Variants in SCAMP1 observed in about 807,000 individuals in gnomAD.
SCAMP1 encodes the protein secretory carrier membrane protein 1.
A neutral mutation model predicts 41.8 loss-of-function variants in SCAMP1; 15 were observed. The observed-to-expected ratio is 0.36, with a 90% CI of 0.24 to 0.55. SCAMP1 has a LOEUF of 0.55. Among genes scored for constraint, SCAMP1 ranks in the 20% least tolerant of loss-of-function variants. SCAMP1 has a pLI of 0.86. For synonymous variants in SCAMP1, 135 were observed against 136.8 expected (o/e 0.99, Z 0.09); for missense variants, 341 against 412.6 (o/e 0.83, Z 1.50).
intron 1 of SCAMP1, among the ~76,000 whole-genome samples, chr5:78,361,526 A>G (rs1750652462): frequency 6.6e-6 from 1 of 152,162 alleles, no homozygotes; most frequent in Admixed American, 6.5e-5. Flanking sequence ...TTCTTCTTGG[A>G]GTCGACCTTA....
chr5:78,430,108 T>TTATAAATACAG, intron 6 of SCAMP1, among the ~76,000 whole-genome samples: 1 of 43,506 alleles, frequency 2.3e-5, no homozygotes, highest in African/African-American at 7.2e-5. Flanking sequence ...AATACAGTAT[T>TTATAAATACAG]TATTTATAAA....
At chr5:78,463,841 A>G (rs1317109779) in intron 8 of SCAMP1, among the ~76,000 whole-genome samples, 4 of 149,458 alleles carry the variant, frequency 2.7e-5, no homozygotes, top group Non-Finnish European at 4.4e-5. Flanking sequence ...GGTAAAATGC[A>G]TAGTATACAG....
At chr5:78,455,261 T>G (rs1224167378) in intron 7 of SCAMP1, among the ~76,000 whole-genome samples, 1 of 149,232 alleles carries the variant, frequency 6.7e-6, no homozygotes, top group African/African-American at 2.5e-5. Flanking sequence ...TTCTAGTTCT[T>G]TTAATTGTGA....
intron 6 of SCAMP1, among the ~76,000 whole-genome samples, chr5:78,440,037 C>T (rs1476026129): frequency 1.3e-5 from 2 of 152,046 alleles, no homozygotes; most frequent in Non-Finnish European, 2.9e-5. Flanking sequence ...GTTCTCGTGC[C>T]GTGGTTTTCA....
At chr5:78,420,477 C>G (rs921129684) in intron 5 of SCAMP1, among the ~76,000 whole-genome samples, 1 of 151,716 alleles carries the variant, frequency 6.6e-6, no homozygotes, top group Admixed American at 6.6e-5. Context: ...ATTTTGAGGC[C>G]AAGGGTTTTG....
chr5:78,449,812 C>CT, intron 6 of SCAMP1, 121 bp from the exon 7 acceptor site: 1 of 584,588 alleles, frequency 1.7e-6, no homozygotes, highest in African/African-American at 1.9e-5. Context: ...TTTGTTTGTG[C>CT]TTTTAAGGTT....
chr5:78,368,854 C>T (rs1750865385), intron 1 of SCAMP1, among the ~76,000 whole-genome samples: 1 of 152,004 alleles, frequency 6.6e-6, no homozygotes, highest in Non-Finnish European at 1.5e-5. Flanking sequence ...GAAAAAGAAT[C>T]TAAGGTTAAC....
At position 78,459,362 on chromosome 5, in the gene SCAMP1, A is replaced by G; in HGVS notation, c.852A>G (p.Lys284=). 1 of 1,417,254 alleles carries G rather than the reference A, an allele frequency of 7.1e-7. No homozygotes were observed. The highest frequency in any genetic ancestry group is 1.2e-5 in the South Asian group (1 of 82,686). 87.8% of individuals were successfully genotyped at this position (1,417,254 alleles called of 1,614,324 possible). The change falls in exon 8 of 9, where the codon AAA becomes AAG. Residue 284 remains lysine (K), a splice_region_variant and synonymous_variant. Coordinates refer to ENST00000621999, the MANE Select transcript of SCAMP1 (RefSeq NM_004866.6). ...SAVISLVMFK[K]VHGLYRTTGA... is the part of the protein sequence containing the mutation. The stretch of plus-strand genomic sequence containing the variant: ...TCATCTCACTAGTTATGTTCAAAAA[A>G]GTAAGTGAAATTTTATGTCTAAATT...
At chr5:78,375,486 G>A (rs1399099533) in intron 1 of SCAMP1, among the ~76,000 whole-genome samples, 1 of 152,136 alleles carries the variant, frequency 6.6e-6, no homozygotes, top group African/African-American at 2.4e-5. Flanking sequence ...CTGGTATCAT[G>A]CTAACCTAGA....
chr5:78,380,002 C>T (rs1001157288), intron 1 of SCAMP1, among the ~76,000 whole-genome samples: 2 of 152,156 alleles, frequency 1.3e-5, no homozygotes, highest in African/African-American at 4.8e-5. Flanking sequence ...TTGGATTACT[C>T]TTCCTTTTAA....
chr5:78,474,718 C>T (rs192791429), intron 8 of SCAMP1, among the ~76,000 whole-genome samples: 29 of 152,192 alleles, frequency 1.9e-4, no homozygotes, highest in African/African-American at 6.0e-4. Context: ...CCCCACTCTG[C>T]GAAGTTTGTG....
intron 2 of SCAMP1, among the ~76,000 whole-genome samples, chr5:78,412,557 AC>A (rs1285877075): frequency 6.6e-6 from 1 of 152,142 alleles, no homozygotes; most frequent in African/African-American, 2.4e-5. Context: ...CATATGCACC[AC>A]CATTGTGTAT....
intron 1 of SCAMP1, among the ~76,000 whole-genome samples, chr5:78,372,354 C>T (rs993581662): frequency 1.3e-5 from 2 of 152,090 alleles, no homozygotes; most frequent in African/African-American, 4.8e-5. Flanking sequence ...TTCTTATAAA[C>T]AAATTCTAAA....
chr5:78,375,165 G>T (rs1751036115), intron 1 of SCAMP1, among the ~76,000 whole-genome samples: 1 of 152,072 alleles, frequency 6.6e-6, no homozygotes, highest in African/African-American at 2.4e-5. Context: ...TCTAGTGTAA[G>T]TGTATAGTCT....
chr5:78,422,960 G>A (rs1157130832), intron 6 of SCAMP1, among the ~76,000 whole-genome samples: 1 of 151,970 alleles, frequency 6.6e-6, no homozygotes, highest in Admixed American at 6.6e-5. Context: ...AGTATGTTTT[G>A]CCATTGCAAC....
At chr5:78,371,966 CTTGA>C (rs1026306700) in intron 1 of SCAMP1, among the ~76,000 whole-genome samples, 2 of 152,058 alleles carry the variant, frequency 1.3e-5, no homozygotes, top group Non-Finnish European at 2.9e-5. Context: ...ATAATTATAA[CTTGA>C]TTGATAGTAG....
At chr5:78,452,353 G>A (rs62364299) in intron 7 of SCAMP1, among the ~76,000 whole-genome samples, 7 of 115,056 alleles carry the variant, frequency 6.1e-5, no homozygotes, top group South Asian at 3.1e-4. Flanking sequence ...CCCACCCCAC[G>A]ACAGTCCCCA....
At chr5:78,461,430 G>T (rs1580716135) in intron 8 of SCAMP1, among the ~76,000 whole-genome samples, 4 of 152,166 alleles carry the variant, frequency 2.6e-5, no homozygotes, top group East Asian at 1.9e-4. Context: ...ATTGAATAGG[G>T]TGTCCTTTCC....
At position 78,360,655 on chromosome 5, in the gene SCAMP1, C is replaced by A; in HGVS notation, c.-17C>A. 1 of 1,603,912 alleles carries A rather than the reference C, an allele frequency of 6.2e-7. No homozygotes were observed. The highest frequency in any genetic ancestry group is 8.5e-7 in the Non-Finnish European group (1 of 1,175,768). The stretch of plus-strand genomic sequence containing the variant: ...CTCTGCGCCTGGGTCGGGTGGGTGA[C>A]GCCGAGAGCCAGAGAGATGTCGGAT... On this transcript the variant is annotated 5_prime_UTR_variant, in exon 1 of 9. Coordinates refer to ENST00000621999, the MANE Select transcript of SCAMP1 (RefSeq NM_004866.6).
Sources: gnomAD v4.1 joint callset for allele counts (sites outside exome capture counted in the v4.1 genomes callset) on GRCh38, gnomAD v4.1.1 for gene constraint, MANE v1.5 for transcripts, NCBI Gene and HGNC (gene_info 2026-07-23, HGNC 2026-07-21) for gene names.